Variants in MFSD11 observed in about 807,000 individuals in gnomAD.
MFSD11 encodes major facilitator superfamily domain containing 11, also known as UNC93-like protein MFSD11.
A neutral mutation model predicts 53.5 loss-of-function variants in MFSD11; 36 were observed. The ratio of observed to expected loss-of-function variants is 0.67; its 90% CI spans 0.52 to 0.89. The LOEUF (loss-of-function observed/expected upper bound fraction) is 0.89. Ranked by LOEUF, MFSD11 falls within the 40% of genes least tolerant of loss-of-function variation. The pLI, the probability that MFSD11 is intolerant of heterozygous loss-of-function variation, is 0.00. For synonymous variants in MFSD11, 186 were observed against 184.9 expected, an observed-to-expected ratio of 1.01 and a Z score of -0.05; for missense variants, 530 against 543.9, an observed-to-expected ratio of 0.97 and a Z score of 0.25.
At chr17:76,738,747 T>TC (rs950977151) in intron 1 of MFSD11, among the ~76,000 whole-genome samples, 191 bp from the exon 2 acceptor site, 44 of 152,224 alleles carry the variant, frequency 2.9e-4, no homozygotes, top group Non-Finnish European at 4.4e-5. Flanking sequence ...CTGCTTTTCC[T>TC]CCCCCCTCCC....
chr17:76,774,903 G>A, intron 10 of MFSD11, 94 bp from the exon 11 acceptor site: 1 of 1,265,878 alleles, frequency 7.9e-7, no homozygotes, highest in Non-Finnish European at 1.1e-6. Context: ...TAACAAGTGA[G>A]AATGTTTATT....
the MFSD11 span, among the ~76,000 whole-genome samples, chr17:76,791,881 C>T: frequency 7.5e-5 from 11 of 145,934 alleles, no homozygotes; most frequent in African/African-American, 2.1e-4. Flanking sequence ...CCCCCCGCCC[C>T]GAGAGATCAA....
At chr17:76,772,478 C>T (rs2081451124) in intron 10 of MFSD11, among the ~76,000 whole-genome samples, 1 of 150,256 alleles carries the variant, frequency 6.7e-6, no homozygotes, top group South Asian at 2.1e-4. Flanking sequence ...TATCCTTTAA[C>T]AGGATTCATC....
intron 8 of MFSD11, among the ~76,000 whole-genome samples, chr17:76,758,277 T>A (rs2144574692): frequency 6.6e-6 from 1 of 150,550 alleles, no homozygotes; most frequent in African/African-American, 2.4e-5. Context: ...AATATAAAAA[T>A]GAAACTATAA....
intron 3 of MFSD11, 113 bp from the exon 4 acceptor site, chr17:76,741,856 T>C: frequency 1.3e-6 from 2 of 1,528,780 alleles, no homozygotes; most frequent in Non-Finnish European, 1.8e-6. Context: ...GAGCGATCCT[T>C]TACAGGTTGA....
chr17:76,774,938 G>A, intron 10 of MFSD11, 59 bp from the exon 11 acceptor site: 1 of 1,556,820 alleles, frequency 6.4e-7, no homozygotes, highest in Non-Finnish European at 8.7e-7. Context: ...TGGTAACTCA[G>A]GCCTGGGTAT....
intron 12 of MFSD11, among the ~76,000 whole-genome samples, chr17:76,777,284 A>G (rs2144940078): frequency 6.6e-6 from 1 of 152,172 alleles, no homozygotes; most frequent in African/African-American, 2.4e-5. Context: ...AAAAAAAAAA[A>G]AAAGACAGTC....
intron 8 of MFSD11, among the ~76,000 whole-genome samples, chr17:76,764,192 A>G (rs575593568): frequency 3.1e-4 from 47 of 152,296 alleles, no homozygotes; most frequent in African/African-American, 1.1e-3. Context: ...TTGTGAAATG[A>G]TGGTCACACT....
intron 8 of MFSD11, 197 bp downstream of exon 8, chr17:76,754,284 G>A: frequency 1.8e-6 from 1 of 541,332 alleles, no homozygotes. Flanking sequence ...ATGATGGTAT[G>A]ACTGCCCACC....
rs982728019 is a variant in MFSD11, at chr17:76,769,799, A to C, written c.802A>C (p.Asn268His). The change falls in exon 10 of 13, where the codon AAT (asparagine) becomes CAT (histidine). Residue 268 changes from asparagine (N) to histidine (H), a missense_variant. Asn to His is a moderately conservative substitution (Grantham distance 68). Coordinates refer to ENST00000685175, the MANE Select transcript of MFSD11 (RefSeq NM_001242532.5). ...ATATGGAACCTGTATTGGTGCTACA[A>C]ATAAATTTGGAGCAGAAGAGAAAAG... ...GVYGTCIGAT[N>H]KFGAEEKSLI... 6.8e-6 allele frequency: 11 copies of C among 1,613,196 alleles called. No individual in the cohort carries two copies. The highest frequency in any genetic ancestry group is 9.3e-6 in the Non-Finnish European group (11 of 1,179,600).
At chr17:76,799,532 G>T in the MFSD11 span, 1 of 152,110 alleles carries the variant, frequency 6.6e-6, no homozygotes. Context: ...CTCCTGAGTA[G>T]CTGGGATTAC....
intron 8 of MFSD11, among the ~76,000 whole-genome samples, chr17:76,763,744 C>T (rs1187514613): frequency 3.3e-5 from 5 of 151,742 alleles, no homozygotes; most frequent in Non-Finnish European, 7.4e-5. Context: ...TATAGATTGA[C>T]TTTTCATTTT....
In MFSD11 at chr17:76,754,076, T is replaced by C. The variant is rs146591146; in HGVS notation, c.671T>C (p.Val224Ala). ...ESAQNNLTKA[V>A]DAFKKSFKLC... ...GCCCAGAACAATCTGACAAAGGCAG[T>C]AGATGCTTTTAGTAAGTATTTTCTG... The change falls in exon 8 of 13, where the codon GTA becomes GCA. Residue 224 changes from valine (V) to alanine (A), a missense_variant. Transcript: ENST00000685175. 1 of 1,612,872 alleles carries C rather than the reference T, an allele frequency of 6.2e-7. No individual in the cohort carries two copies. Among genetic ancestry groups the C allele is most frequent in the African/African-American group, 1.3e-5 (1 of 75,032 alleles).
the MFSD11 span, among the ~76,000 whole-genome samples, chr17:76,789,096 C>T: frequency 6.7e-6 from 1 of 149,332 alleles, no homozygotes; most frequent in East Asian, 2.0e-4. Flanking sequence ...GAGCTGAGAT[C>T]ACACCATTGC....
the MFSD11 span, among the ~76,000 whole-genome samples, chr17:76,797,980 C>T: frequency 6.6e-6 from 1 of 151,878 alleles, no homozygotes; most frequent in Admixed American, 6.6e-5. Context: ...AACTCCTGGG[C>T]TCACGTGATC....
intron 3 of MFSD11, 121 bp from the exon 4 acceptor site, chr17:76,741,837 TCAAAACTGGAG>T: frequency 7.0e-7 from 1 of 1,419,832 alleles, no homozygotes; most frequent in Admixed American, 2.3e-5. Flanking sequence ...GTCCCTTTTT[TCAAAACTGGAG>T]CGATCCTTTA....
At chr17:76,759,291 T>G (rs1261692834) in intron 8 of MFSD11, among the ~76,000 whole-genome samples, 2 of 149,418 alleles carry the variant, frequency 1.3e-5, no homozygotes, top group Non-Finnish European at 3.0e-5. Context: ...TTCTTTTTCT[T>G]TTTTTTTTTG....
chr17:76,753,742 TATTTCTGTACTGCCTGAAGTATC>T (rs1251612798), intron 7 of MFSD11, among the ~76,000 whole-genome samples: 1 of 149,908 alleles, frequency 6.7e-6, no homozygotes, highest in African/African-American at 2.5e-5. Flanking sequence ...GGATAGAAGG[TATTTCTGTACTGCCTGAAGTATC>T]ATTTCTGAGA....
intron 10 of MFSD11, among the ~76,000 whole-genome samples, chr17:76,773,707 A>C (rs538514182): frequency 3.7e-4 from 56 of 152,236 alleles, no homozygotes; most frequent in African/African-American, 1.1e-3. Context: ...TCCTGGGTTC[A>C]AGCGATTCTC....
Sources: gnomAD v4.1 joint callset for allele counts (sites outside exome capture counted in the v4.1 genomes callset) on GRCh38, gnomAD v4.1.1 for gene constraint, MANE v1.5 for transcripts, NCBI Gene and HGNC (gene_info 2026-07-23, HGNC 2026-07-21) for gene names.